Variants in C2orf80 observed in about 807,000 individuals in gnomAD.
C2orf80 encodes uncharacterized protein C2orf80.
In C2orf80, 28 loss-of-function variants were observed where a neutral mutation model predicts 30.2. The ratio of observed to expected loss-of-function variants is 0.93; its 90% CI spans 0.69 to 1.27. The LOEUF (loss-of-function observed/expected upper bound fraction) is 1.27, where lower values mean the gene tolerates loss of function less well. C2orf80 is among the 50% of genes most tolerant of loss of function. The pLI is 0.00. For synonymous variants in C2orf80, 80 were observed against 76.4 expected (o/e 1.05, Z -0.24); for missense variants, 220 against 231.0 (o/e 0.95, Z 0.31).
chr2:208,169,066 T>C (rs1559336432), intron 8 of C2orf80, among the ~76,000 whole-genome samples: 1 of 152,000 alleles, frequency 6.6e-6, no homozygotes, highest in African/African-American at 2.4e-5. Context: ...TATGCTTCCA[T>C]CAAGAATCAA....
chr2:208,165,715 A>C lies in C2orf80; in HGVS notation c.*92T>G, dbSNP rs766575352. ...TGTACCAAAAACAGTTGTAAAGAAAAATGTACTGGCAAGAGCTGTGGTTTT... is the reference window on the plus strand; with the variant it reads ...TGTACCAAAAACAGTTGTAAAGAAACATGTACTGGCAAGAGCTGTGGTTTT... On this transcript the variant is annotated 3_prime_UTR_variant, in exon 9 of 9. Transcript: ENST00000341287. 9 of 1,576,092 alleles carry C rather than the reference A, an allele frequency of 5.7e-6. No individual in the cohort carries two copies. The highest frequency in any genetic ancestry group is 5.2e-6 in the Non-Finnish European group (6 of 1,161,582).
chr2:208,174,249 T>C (rs555003022), intron 6 of C2orf80, among the ~76,000 whole-genome samples: 3 of 152,226 alleles, frequency 2.0e-5, no homozygotes, highest in East Asian at 3.9e-4. Context: ...GCCTGGCCAA[T>C]TCCTCATGAT....
chr2:208,188,971 AG>A (rs1257100517), intron 1 of C2orf80, among the ~76,000 whole-genome samples: 2 of 152,176 alleles, frequency 1.3e-5, no homozygotes, highest in Non-Finnish European at 2.9e-5. Flanking sequence ...GACCCAGGAA[AG>A]CCACACTCAT....
At chr2:208,168,402 G>A (rs189090184) in intron 8 of C2orf80, 4,614 of 301,484 alleles carry the variant, frequency 0.015, 63 homozygotes, top group Non-Finnish European at 0.019. Context: ...GGCCGGGCGC[G>A]GTGGCTCAAG....
chr2:208,169,938 G>A (rs902385581), intron 8 of C2orf80, among the ~76,000 whole-genome samples: 1 of 152,202 alleles, frequency 6.6e-6, no homozygotes, highest in African/African-American at 2.4e-5. Context: ...TAATTAATCA[G>A]ATATAAGGGA....
intron 6 of C2orf80, among the ~76,000 whole-genome samples, chr2:208,177,014 G>GT (rs1559340820): frequency 9.6e-5 from 3 of 31,250 alleles, no homozygotes; most frequent in African/African-American, 2.2e-4. Flanking sequence ...CATATATACA[G>GT]ATACATATAT....
intron 6 of C2orf80, among the ~76,000 whole-genome samples, chr2:208,175,984 A>C (rs1696280038): frequency 6.6e-6 from 1 of 152,148 alleles, no homozygotes; most frequent in South Asian, 2.1e-4. Context: ...GCAGATCCTC[A>C]GGCTCTTAGA....
intron 8 of C2orf80, among the ~76,000 whole-genome samples, chr2:208,170,711 C>T (rs1031451501): frequency 6.6e-6 from 1 of 152,150 alleles, no homozygotes; most frequent in Non-Finnish European, 1.5e-5. Context: ...CTCAGTTAAT[C>T]ACCCCAACAA....
intron 6 of C2orf80, among the ~76,000 whole-genome samples, chr2:208,176,399 C>A (rs964384410): frequency 1.3e-5 from 2 of 152,210 alleles, no homozygotes; most frequent in African/African-American, 4.8e-5. Flanking sequence ...TGGCCTCGAA[C>A]TCCTGACCTC....
intron 6 of C2orf80, among the ~76,000 whole-genome samples, chr2:208,176,284 C>T (rs111920022): frequency 0.012 from 1,866 of 152,164 alleles, 41 homozygotes; most frequent in African/African-American, 0.042. Context: ...CCAGCAATTC[C>T]CCTGCCTCAG....
intron 6 of C2orf80, among the ~76,000 whole-genome samples, chr2:208,176,389 T>G (rs531364655): frequency 1.3e-4 from 20 of 152,342 alleles, no homozygotes; most frequent in Admixed American, 9.2e-4. Context: ...TTGGCCAGGC[T>G]GGCCTCGAAC....
chr2:208,176,968 TAC>T (rs1244043086), intron 6 of C2orf80, among the ~76,000 whole-genome samples: 2 of 117,316 alleles, frequency 1.7e-5, no homozygotes, highest in African/African-American at 5.9e-5. Flanking sequence ...TACATATGTA[TAC>T]ATATATACAG....
intron 4 of C2orf80, among the ~76,000 whole-genome samples, chr2:208,181,745 G>A (rs758154562): frequency 8.6e-5 from 13 of 151,930 alleles, no homozygotes; most frequent in African/African-American, 2.4e-4. Context: ...CCTCCCCTGC[G>A]CTGCCACTGT....
rs149298545 is a variant in C2orf80, at chr2:208,181,343, C to A, written c.207-38G>T. Reference sequence around the variant, plus strand: ...AGGAAATACAAGTGGAAGATTTATTCTTGTTCTTTTTGATGCCTGCTAAGG... The same window carrying A: ...AGGAAATACAAGTGGAAGATTTATTATTGTTCTTTTTGATGCCTGCTAAGG... On this transcript the variant is annotated intron_variant, in intron 4 of 8. Coordinates refer to ENST00000341287, the MANE Select transcript of C2orf80 (RefSeq NM_001099334.3). 2,024 of 1,405,056 alleles carry A rather than the reference C, an allele frequency of 1.4e-3. 28 individuals are homozygous for A. In the African/African-American group the frequency reaches 0.023, roughly 16 times the overall value. 87.0% of individuals were successfully genotyped at this position (1,405,056 alleles called of 1,614,324 possible). A position where few individuals can be genotyped will look rare whatever the true frequency, so the allele number is the denominator to read the frequency against.
chr2:208,176,903 ATCTGTGTATACATATC>A (rs1696325229), intron 6 of C2orf80, among the ~76,000 whole-genome samples: 3 of 92,800 alleles, frequency 3.2e-5, no homozygotes, highest in African/African-American at 1.4e-4. Flanking sequence ...ATATATACAT[ATCTGTGTATACATATC>A]TGTATACATA....
chr2:208,180,358 C>T (rs1223747467), intron 6 of C2orf80, among the ~76,000 whole-genome samples: 2 of 151,576 alleles, frequency 1.3e-5, no homozygotes, highest in East Asian at 1.9e-4. Context: ...GGCTGACGCA[C>T]GAGAATTCCT....
At chr2:208,169,269 T>TTGTGTGTGTGTG (rs10658929) in intron 8 of C2orf80, among the ~76,000 whole-genome samples, 22,073 of 137,706 alleles carry the variant, frequency 0.16, 2,081 homozygotes, top group African/African-American at 0.25. Context: ...AAAGTCTAGA[T>TTGTGTGTGTGTG]TGTGTGTGTG....
chr2:208,170,275 C>T (rs1192218123), intron 8 of C2orf80, among the ~76,000 whole-genome samples: 3 of 152,152 alleles, frequency 2.0e-5, no homozygotes, highest in Admixed American at 2.0e-4. Context: ...TTCTGTTGAT[C>T]AGAGAAGTCT....
At chr2:208,177,014 G>GATATGTATATAT (rs1279436601) in intron 6 of C2orf80, among the ~76,000 whole-genome samples, 1 of 31,254 alleles carries the variant, frequency 3.2e-5, no homozygotes, top group Non-Finnish European at 6.0e-5. Context: ...CATATATACA[G>GATATGTATATAT]ATACATATAT....
Sources: gnomAD v4.1 joint callset for allele counts (sites outside exome capture counted in the v4.1 genomes callset) on GRCh38, gnomAD v4.1.1 for gene constraint, MANE v1.5 for transcripts, NCBI Gene and HGNC (gene_info 2026-07-23, HGNC 2026-07-21) for gene names.